The following RP1 variants were observed in gnomAD, a reference collection of about 807,000 sequenced individuals.
RP1 encodes RP1 axonemal microtubule associated, also known as oxygen-regulated protein 1.
Under a neutral mutation model 14.8 loss-of-function variants are expected in RP1, and 16 were observed. The ratio of observed to expected loss-of-function variants is 1.08; its 90% confidence interval spans 0.73 to 1.65. The LOEUF (loss-of-function observed/expected upper bound fraction) is 1.65. Ranked by LOEUF, RP1 falls within the 40% of genes most tolerant of loss-of-function variation. The pLI is 0.00. For synonymous variants in RP1, 876 were observed against 883.6 expected (o/e 0.99, Z 0.15); for missense variants, 2,631 against 2,535.0 (o/e 1.04, Z -0.81).
exon 18 of RP1, chr8:54,734,701 G>A (rs191476931): frequency 2.6e-6 from 4 of 1,535,092 alleles, no homozygotes; most frequent in Non-Finnish European, 3.5e-6. Context: ...CGCAAGGACA[G>A]CTCAGAGCAG....
chr8:54,708,092 A>G (rs1266651566), intron 15 of RP1, among the ~76,000 whole-genome samples: 1 of 152,234 alleles, frequency 6.6e-6, no homozygotes. Flanking sequence ...TTCACAAGTT[A>G]TACAAGCCTT....
Position 54,630,495 on chromosome 8 carries a change from A to G in RP1, c.*142A>G. 1.4e-6 allele frequency: 2 copies of G among 1,469,384 alleles called. No individual in the cohort carries two copies. The highest frequency in any genetic ancestry group is 1.8e-6 in the Non-Finnish European group (2 of 1,116,458). 91.0% of individuals were successfully genotyped at this position (1,469,384 alleles called of 1,614,324 possible). ...TACTCTAGAAAGCTTACCCTTGGAT[A>G]ACCAGTTTGACTTTCATAATGTCTC... On this transcript the variant is annotated 3_prime_UTR_variant, in exon 4 of 4. Coordinates refer to ENST00000220676, the MANE Select transcript of RP1 (RefSeq NM_006269.2).
rs781714087 is a variant in RP1, at chr8:54,626,939, C to G, written c.3057C>G (p.Pro1019=). ...CTCTGAATGATGCTTATTTGGTTCC[C>G]CTGCATGAACACTGTACTTTGTCAC... ...VGSLNDAYLV[P]LHEHCTLSQS... Residue 1019 remains proline, a synonymous_variant, in exon 4 of 4, where the codon CCC becomes CCG. Transcript: ENST00000220676. The G allele has an allele frequency of 1.2e-6, 2 of 1,613,740 alleles. No homozygotes were observed. Among genetic ancestry groups the G allele is most frequent in the Non-Finnish European group, 1.7e-6 (2 of 1,179,956 alleles).
At chr8:54,708,053 A>C (rs1470487968) in intron 15 of RP1, among the ~76,000 whole-genome samples, 4 of 152,190 alleles carry the variant, frequency 2.6e-5, no homozygotes, top group Admixed American at 2.6e-4. Context: ...CTGGGAGGAA[A>C]TCAGTAAGTA....
At position 54,841,453 on chromosome 8, in the gene RP1, A is replaced by T. The variant is rs563112440; in HGVS notation, c.3835+3784A>T. 3.3e-5 allele frequency among the ~76,000 whole-genome samples: 5 copies of T among 152,260 alleles called. No individual in the cohort carries two copies. The South Asian group carries it at 1.0e-3, about 32-fold the overall frequency. On this transcript the variant is annotated intron_variant, in intron 25 of 28. Transcript: ENST00000637698. The stretch of plus-strand genomic sequence containing the variant: ...GGTTTTCCAGGCAGTTGGCACTTAC[A>T]CTCTGAGCTGATTAATTTTGTGACA...
chr8:54,772,439 T>C (rs779343610), downstream of RP1, among the ~76,000 whole-genome samples: 1 of 152,180 alleles, frequency 6.6e-6, no homozygotes, highest in African/African-American at 2.4e-5. Context: ...GACCATATCA[T>C]ATGTGAATAA....
At chr8:54,751,565 A>G (rs1809371481) in intron 19 of RP1, among the ~76,000 whole-genome samples, 1 of 152,212 alleles carries the variant, frequency 6.6e-6, no homozygotes, top group Non-Finnish European at 1.5e-5. Flanking sequence ...GCTCACATTT[A>G]TTTCAGTGGT....
At chr8:54,838,862 A>G (rs1345242198) in intron 25 of RP1, among the ~76,000 whole-genome samples, 1 of 152,164 alleles carries the variant, frequency 6.6e-6, no homozygotes, top group African/African-American at 2.4e-5. Context: ...CATGCAAGCT[A>G]CTTAGCCTCC....
At chr8:54,591,979 G>T (rs191474615) in intron 1 of RP1, among the ~76,000 whole-genome samples, 30 of 152,328 alleles carry the variant, frequency 2.0e-4, no homozygotes, top group African/African-American at 7.2e-4. Context: ...TTTGGTCAAA[G>T]CAGCCCAAAC....
At chr8:54,850,710 C>G (rs932792605) in intron 25 of RP1, among the ~76,000 whole-genome samples, 1 of 152,050 alleles carries the variant, frequency 6.6e-6, no homozygotes, top group African/African-American at 2.4e-5. Context: ...TTCATATTGC[C>G]TTAAAGATCA....
upstream of RP1, among the ~76,000 whole-genome samples, chr8:54,615,393 A>G (rs1805691486): frequency 1.3e-5 from 2 of 152,216 alleles, no homozygotes; most frequent in South Asian, 4.1e-4. Context: ...GAAGCCCCGT[A>G]GGAAACCCGA....
chr8:54,732,502 C>A (rs1215633763), intron 17 of RP1, among the ~76,000 whole-genome samples: 1 of 152,114 alleles, frequency 6.6e-6, no homozygotes, highest in Non-Finnish European at 1.5e-5. Context: ...CAATGCCCAG[C>A]AAATAATAGG....
chr8:54,652,018 T>TC (rs1323810675), intron 4 of RP1, among the ~76,000 whole-genome samples: 12 of 151,874 alleles, frequency 7.9e-5, no homozygotes, highest in Non-Finnish European at 1.8e-4. Flanking sequence ...ACACTTTTTT[T>TC]TTTTTCTGAG....
intron 16 of RP1, among the ~76,000 whole-genome samples, chr8:54,724,028 A>C (rs765009671): frequency 6.6e-6 from 1 of 152,184 alleles, no homozygotes; most frequent in Non-Finnish European, 1.5e-5. Flanking sequence ...CTTTTTTATT[A>C]CAATAAGAAT....
intron 1 of RP1, among the ~76,000 whole-genome samples, chr8:54,602,793 A>G (rs1466501352): frequency 6.6e-6 from 1 of 152,146 alleles, no homozygotes; most frequent in Non-Finnish European, 1.5e-5. Flanking sequence ...GCCAGTGATG[A>G]TGAGCATTTT....
chr8:54,741,707 G>GTATATA (rs372225314), intron 19 of RP1, among the ~76,000 whole-genome samples: 2,334 of 57,740 alleles, frequency 0.04, 83 homozygotes, highest in South Asian at 0.058. Context: ...AAATGTGTGT[G>GTATATA]TATATATATA....
chr8:54,783,000 CT>C (rs760290418), intron 23 of RP1, among the ~76,000 whole-genome samples: 11 of 152,134 alleles, frequency 7.2e-5, no homozygotes, highest in Non-Finnish European at 1.2e-4. Context: ...CATTTTCTTC[CT>C]TACTTGTTGG....
chr8:54,796,232 A>C (rs1810573674), intron 24 of RP1, among the ~76,000 whole-genome samples: 1 of 152,178 alleles, frequency 6.6e-6, no homozygotes, highest in South Asian at 2.1e-4. Context: ...ATAGTACCTA[A>C]GAGGATTGTT....
intron 19 of RP1, among the ~76,000 whole-genome samples, chr8:54,749,314 G>A (rs1320532874): frequency 6.6e-6 from 1 of 151,396 alleles, no homozygotes; most frequent in Non-Finnish European, 1.5e-5. Flanking sequence ...CTGGGCAACA[G>A]AGCAAGACTC....
Sources: gnomAD v4.1 joint callset for allele counts (sites outside exome capture counted in the v4.1 genomes callset) on GRCh38, gnomAD v4.1.1 for gene constraint, MANE v1.5 for transcripts, NCBI Gene and HGNC (gene_info 2026-07-23, HGNC 2026-07-21) for gene names.